Variants in AFDN observed in about 807,000 individuals in gnomAD.
AFDN encodes the protein afadin.
AFDN carries 68 observed loss-of-function variants against 216.6 expected under a neutral mutation model. The observed-to-expected ratio is 0.31, with a 90% confidence interval of 0.26 to 0.38. The LOEUF is 0.38. Ranked by LOEUF, AFDN falls within the 10% of genes least tolerant of loss-of-function variation. The pLI, the probability that AFDN is intolerant of heterozygous loss-of-function variation, is 1.00. For missense variants in AFDN, 2,136 were observed against 2,342.0 expected, an observed-to-expected ratio of 0.91 and a Z score of 1.82; for synonymous variants, 868 against 853.7, an observed-to-expected ratio of 1.02 and a Z score of -0.29.
chr6:167,855,513 T>C (rs1323754310), intron 1 of AFDN, among the ~76,000 whole-genome samples: 2 of 152,166 alleles, frequency 1.3e-5, no homozygotes, highest in Non-Finnish European at 2.9e-5. Flanking sequence ...ATTGAACTTA[T>C]TCTTGCAGTT....
intron 30 of AFDN, 182 bp downstream of exon 30, chr6:167,952,369 A>T: frequency 6.8e-7 from 1 of 1,479,274 alleles, no homozygotes; most frequent in Non-Finnish European, 8.9e-7. Context: ...CAGGCCTATA[A>T]GGCTAAATTT....
At chr6:167,887,476 G>A (rs1258717921) in intron 6 of AFDN, among the ~76,000 whole-genome samples, 3 of 146,484 alleles carry the variant, frequency 2.0e-5, no homozygotes, top group African/African-American at 7.6e-5. Context: ...TCCTTTTGGA[G>A]ATGAAGTCTC....
chr6:167,847,185 A>G (rs1188398687), intron 1 of AFDN, among the ~76,000 whole-genome samples: 1 of 152,056 alleles, frequency 6.6e-6, no homozygotes, highest in Non-Finnish European at 1.5e-5. Context: ...TCTTCCATCA[A>G]ATTCTTCCTT....
In AFDN at chr6:167,967,056, G is replaced by T. The variant is rs902071029; in HGVS notation, c.5257+1011G>T. 1.2e-4 allele frequency among the ~76,000 whole-genome samples: 19 copies of T among 152,196 alleles called. 1 individual carries two copies. Among genetic ancestry groups the T allele is most frequent in the Admixed American group, 6.5e-4 (10 of 15,288 alleles). On this transcript the variant is annotated intron_variant, in intron 32 of 33. Transcript: ENST00000683244. ...GGCCTAGAGGCTGTCACAGGCGTGG[G>T]TTCAGTAGTCATTGTTTTCAAGACA...
intron 23 of AFDN, among the ~76,000 whole-genome samples, chr6:167,928,214 C>T (rs1792816562): frequency 6.6e-6 from 1 of 152,238 alleles, no homozygotes; most frequent in Non-Finnish European, 1.5e-5. Context: ...ATAAAGGAAC[C>T]AGCATTACCT....
chr6:167,911,511 A>G (rs757581403), intron 15 of AFDN, 22 bp downstream of exon 15: 10 of 1,609,280 alleles, frequency 6.2e-6, no homozygotes, highest in East Asian at 2.2e-5. Context: ...CCGGCCAGCC[A>G]TGCTCCTCCA....
chr6:167,966,158 C>T (rs1462793086), intron 32 of AFDN, 113 bp downstream of exon 32: 1 of 1,534,884 alleles, frequency 6.5e-7, no homozygotes, highest in East Asian at 2.4e-5. Flanking sequence ...GCGTCTTTCT[C>T]TCCAACTCAT....
intron 1 of AFDN, among the ~76,000 whole-genome samples, chr6:167,831,545 T>C (rs989723645): frequency 6.6e-6 from 1 of 152,188 alleles, no homozygotes; most frequent in Non-Finnish European, 1.5e-5. Flanking sequence ...TTTGCTGTCT[T>C]CCTGCCAGTG....
intron 9 of AFDN, among the ~76,000 whole-genome samples, chr6:167,894,607 A>G (rs755591852): frequency 3.3e-5 from 5 of 152,180 alleles, no homozygotes; most frequent in Non-Finnish European, 5.9e-5. Context: ...AGGTTCTTCA[A>G]AATCTGTAAC....
chr6:167,915,581 AG>A, intron 19 of AFDN, 148 bp downstream of exon 19: 1 of 893,498 alleles, frequency 1.1e-6, no homozygotes, highest in Non-Finnish European at 1.6e-6. Context: ...GTGCTATGTG[AG>A]TACTTGGGCT....
chr6:167,964,237 T>C, intron 31 of AFDN: 1 of 1,064,152 alleles, frequency 9.4e-7, no homozygotes, highest in African/African-American at 1.6e-5. Context: ...ATGGGTTTGC[T>C]TTGTTATAGA....
Position 167,909,678 on chromosome 6 carries a change from C to T in AFDN, c.1770-1423C>T, listed in dbSNP as rs189644194. 9.2e-5 allele frequency among the ~76,000 whole-genome samples: 14 copies of T among 152,176 alleles called. No individual in the cohort carries two copies. The East Asian group carries it at 2.3e-3, about 25-fold the overall frequency. ...ATAACTGTGTTGACTTTCCATTTCA[C>T]CAAATAAGATTTATTTGAGTAAGTA... On this transcript the variant is annotated intron_variant, in intron 13 of 33. Transcript: ENST00000683244.
At chr6:167,842,913 A>G (rs751127807) in intron 1 of AFDN, among the ~76,000 whole-genome samples, 1 of 152,142 alleles carries the variant, frequency 6.6e-6, no homozygotes, top group Non-Finnish European at 1.5e-5. Flanking sequence ...GCTTTTAGTC[A>G]TTTGCTACTA....
At position 167,833,260 on chromosome 6, in the gene AFDN, C is replaced by T. The variant is rs138276323; in HGVS notation, c.105+6023C>T. 3.4e-3 allele frequency among the ~76,000 whole-genome samples: 521 copies of T among 152,272 alleles called. 3 individuals are homozygous for T. Among genetic ancestry groups the T allele is most frequent in the African/African-American group, 0.012 (484 of 41,538 alleles). On this transcript the variant is annotated intron_variant, in intron 1 of 33. Transcript: ENST00000683244. ...CTGCCACTGACTATAGTAACAACAG[C>T]AGGATAGGTTGTTTCCAAATTAGGA...
At chr6:167,896,397 G>A (rs1276076893) in intron 9 of AFDN, among the ~76,000 whole-genome samples, 1 of 152,142 alleles carries the variant, frequency 6.6e-6, no homozygotes, top group Non-Finnish European at 1.5e-5. Flanking sequence ...ATCCAGGTCT[G>A]GGGAGCGCTA....
chr6:167,874,800 A>C (rs1785168483), intron 4 of AFDN, among the ~76,000 whole-genome samples: 1 of 151,966 alleles, frequency 6.6e-6, no homozygotes, highest in East Asian at 1.9e-4. Context: ...TTTTTAGTAG[A>C]GACGGGGTTT....
At chr6:167,888,818 C>G (rs1787194110) in intron 6 of AFDN, among the ~76,000 whole-genome samples, 1 of 151,936 alleles carries the variant, frequency 6.6e-6, no homozygotes, top group Non-Finnish European at 1.5e-5. Context: ...TTGTATGAGC[C>G]CACTTTATAA....
chr6:167,854,498 T>C (rs1424716903), intron 1 of AFDN, among the ~76,000 whole-genome samples: 1 of 152,016 alleles, frequency 6.6e-6, no homozygotes, highest in Non-Finnish European at 1.5e-5. Context: ...TTTCAAGTCA[T>C]GGTTAGGAAG....
intron 25 of AFDN, 39 bp from the exon 26 acceptor site, chr6:167,943,902 G>GT (rs779127776): frequency 6.4e-7 from 1 of 1,556,194 alleles, no homozygotes; most frequent in Admixed American, 1.7e-5. Context: ...CAGGCACTGC[G>GT]TTTTAGTCTT....
Sources: allele counts gnomAD v4.1 joint callset (sites outside exome capture counted in the v4.1 genomes callset), GRCh38; gene constraint gnomAD v4.1.1; transcripts MANE v1.5; gene names NCBI Gene and HGNC (gene_info 2026-07-23, HGNC 2026-07-21).